Variants in PRIMPOL observed in about 807,000 individuals in gnomAD.
PRIMPOL encodes DNA-directed primase/polymerase protein.
A neutral mutation model predicts 63.6 loss-of-function variants in PRIMPOL; 54 were observed. The observed-to-expected ratio is 0.85, with a 90% CI of 0.68 to 1.07. The LOEUF is 1.07. PRIMPOL is among the 50% of genes least tolerant of loss of function. PRIMPOL has a pLI of 0.00. For missense variants in PRIMPOL, 610 were observed against 648.3 expected (o/e 0.94, Z 0.64); for synonymous variants, 197 against 220.2 (o/e 0.89, Z 0.93).
At chr4:184,671,821 C>T (rs111227463) in intron 6 of PRIMPOL, among the ~76,000 whole-genome samples, 19,371 of 147,554 alleles carry the variant, frequency 0.13, 1,341 homozygotes, top group African/African-American at 0.15. Context: ...TGGCTCACTG[C>T]AAGCTCCGCT....
chr4:184,666,458 G>A (rs1749908548), intron 6 of PRIMPOL, among the ~76,000 whole-genome samples: 1 of 152,078 alleles, frequency 6.6e-6, no homozygotes, highest in Admixed American at 6.5e-5. Context: ...GTGAGACCCT[G>A]TCTCAAAAAA....
intron 4 of PRIMPOL, among the ~76,000 whole-genome samples, chr4:184,659,887 C>G (rs1459175870): frequency 6.6e-6 from 1 of 152,156 alleles, no homozygotes; most frequent in Non-Finnish European, 1.5e-5. Flanking sequence ...GTGCCATGGT[C>G]TCGGCTCACT....
chr4:184,678,548 T>C lies in PRIMPOL; in HGVS notation c.1007+154T>C, dbSNP rs530557188. ...CTCTTTTTTTTTTTTTTTTTTTTGA[T>C]ACAGAGTCTCCCTCTGTCACCCAGA... On this transcript the variant is annotated intron_variant, in intron 8 of 13. Transcript: ENST00000314970. 1.8e-3 allele frequency among the ~76,000 whole-genome samples: 264 copies of C among 145,364 alleles called. 1 individual carries two copies. Among genetic ancestry groups the C allele is most frequent in the Middle Eastern group, 0.017 (5 of 288 alleles).
At chr4:184,693,354 T>C (rs1436711026) in intron 13 of PRIMPOL, among the ~76,000 whole-genome samples, 1 of 152,156 alleles carries the variant, frequency 6.6e-6, no homozygotes, top group Non-Finnish European at 1.5e-5. Flanking sequence ...GTGGTTGCAG[T>C]GGATTTTTAA....
Position 184,672,329 on chromosome 4 carries a change from C to A in PRIMPOL, c.713C>A (p.Ala238Asp), listed in dbSNP as rs776142895. The A allele has an allele frequency of 1.2e-6, 2 of 1,614,116 alleles. No individual in the cohort carries two copies. Among genetic ancestry groups the A allele is most frequent in the Admixed American group, 3.3e-5 (2 of 60,016 alleles). Residue 238 changes from alanine to aspartate, a missense_variant, in exon 7 of 14, where the codon GCT (alanine) becomes GAT (aspartate). Physicochemically the swap from Ala to Asp is moderately radical, Grantham distance 126. This residue lies in a region of PRIMPOL where 444 missense variants were observed against 456.4 expected (regional missense o/e 0.97). Transcript: ENST00000314970. Reference sequence around the variant, plus strand: ...TTCAATAAAATGTTCACAGAAAAGGCTACAGAGGAAAGCTGGACATCGAAT... The same window carrying A: ...TTCAATAAAATGTTCACAGAAAAGGATACAGAGGAAAGCTGGACATCGAAT... The part of the protein sequence containing the change: ...FSFNKMFTEK[A>D]TEESWTSNSK...
rs1749771470 is a variant in PRIMPOL at position 184,665,970 on chromosome 4, T to C, written c.462T>C (p.Asp154=). The C allele has an allele frequency of 5.6e-6, 9 of 1,610,936 alleles. No homozygotes were observed. The highest frequency in any genetic ancestry group is 2.2e-5 in the East Asian group (1 of 44,854). The change falls in exon 6 of 14, where the codon GAT becomes GAC. Residue 154 remains aspartate (D), a synonymous_variant. Coordinates refer to ENST00000314970, the MANE Select transcript of PRIMPOL (RefSeq NM_152683.4). ...ELYGVNCSAE[D]VLNLDSSTDE... is the part of the protein sequence containing the mutation. ...ACGGTGTTAATTGCTCAGCTGAAGA[T>C]GTTTTGAACTTGGATTCTAGCACTG...
At chr4:184,650,316 A>T (rs1743870018) in intron 1 of PRIMPOL, among the ~76,000 whole-genome samples, 1 of 152,240 alleles carries the variant, frequency 6.6e-6, no homozygotes, top group Non-Finnish European at 1.5e-5. Context: ...GGGAGTGAAG[A>T]AGAGGAAAAG....
intron 13 of PRIMPOL, among the ~76,000 whole-genome samples, chr4:184,692,863 T>C (rs1401630246): frequency 1.3e-5 from 2 of 152,232 alleles, no homozygotes; most frequent in African/African-American, 2.4e-5. Flanking sequence ...TGCATCTCTG[T>C]AATGAACTTT....
chr4:184,659,531 C>A, intron 4 of PRIMPOL, 94 bp downstream of exon 4: 2 of 895,344 alleles, frequency 2.2e-6, no homozygotes, highest in Non-Finnish European at 3.8e-6. Flanking sequence ...GAATTGGCTT[C>A]CACAGTTCGT....
chr4:184,665,084 A>T (rs1350933605), intron 5 of PRIMPOL, among the ~76,000 whole-genome samples: 3 of 152,330 alleles, frequency 2.0e-5, no homozygotes, highest in Admixed American at 2.0e-4. Context: ...ATAATATTGC[A>T]TGGTAGTTCT....
At chr4:184,692,100 G>A (rs1298475012) in intron 13 of PRIMPOL, among the ~76,000 whole-genome samples, 1 of 152,022 alleles carries the variant, frequency 6.6e-6, no homozygotes, top group African/African-American at 2.4e-5. Context: ...GGTATTACCA[G>A]GTTGTCAAAC....
chr4:184,686,300 G>A (rs1174466032), intron 11 of PRIMPOL, among the ~76,000 whole-genome samples: 8 of 152,206 alleles, frequency 5.3e-5, no homozygotes, highest in Non-Finnish European at 1.2e-4. Context: ...CAGTGAGGAT[G>A]GGAAGCATGC....
chr4:184,655,324 CTTTTTT>C (rs60487948), intron 2 of PRIMPOL, among the ~76,000 whole-genome samples: 1 of 131,156 alleles, frequency 7.6e-6, no homozygotes, highest in South Asian at 2.5e-4. Context: ...CTCTCGTAAT[CTTTTTT>C]TTTTTTTTTT....
At chr4:184,653,396 T>A (rs2150019341) in intron 2 of PRIMPOL, among the ~76,000 whole-genome samples, 1 of 152,338 alleles carries the variant, frequency 6.6e-6, no homozygotes, top group East Asian at 1.9e-4. Context: ...GCCTTTTTTC[T>A]AGCTTGACCC....
At chr4:184,664,060 T>C (rs1749126425) in intron 5 of PRIMPOL, among the ~76,000 whole-genome samples, 1 of 152,232 alleles carries the variant, frequency 6.6e-6, no homozygotes, top group South Asian at 2.1e-4. Context: ...TAGGACCACA[T>C]TTCAGGGCAA....
chr4:184,653,933 A>G (rs1266879052), intron 2 of PRIMPOL, among the ~76,000 whole-genome samples: 1 of 152,224 alleles, frequency 6.6e-6, no homozygotes, highest in Non-Finnish European at 1.5e-5. Flanking sequence ...GGACTACACC[A>G]AGCCCCAGTT....
rs752153326 is a variant in PRIMPOL at position 184,694,560 on chromosome 4, G to A, written c.1464G>A (p.Arg488=). Residue 488 remains arginine, a synonymous_variant, in exon 14 of 14, where the codon AGG becomes AGA. Coordinates refer to ENST00000314970, the MANE Select transcript of PRIMPOL (RefSeq NM_152683.4). The stretch of plus-strand genomic sequence containing the variant: ...CAACAGATGAAGCAGATGAAACTAG[G>A]AGCAATGAAACCCAGAATCCTCATA... ...EFTTDEADET[R]SNETQNPHKP... 1.2e-6 allele frequency: 2 copies of A among 1,613,960 alleles called. No individual in the cohort carries two copies. Among genetic ancestry groups the A allele is most frequent in the East Asian group, 2.2e-5 (1 of 44,870 alleles).
chr4:184,664,257 A>G (rs1022506220), intron 5 of PRIMPOL, among the ~76,000 whole-genome samples: 2 of 152,218 alleles, frequency 1.3e-5, no homozygotes, highest in East Asian at 1.9e-4. Context: ...TCATTCATCA[A>G]ATAGTTTTTA....
intron 3 of PRIMPOL, among the ~76,000 whole-genome samples, chr4:184,658,491 G>C (rs1391915935): frequency 6.6e-6 from 1 of 152,178 alleles, no homozygotes; most frequent in Non-Finnish European, 1.5e-5. Flanking sequence ...ATGCTCACCA[G>C]CTACCTTTAG....
Sources: gnomAD v4.1 joint callset for allele counts (sites outside exome capture counted in the v4.1 genomes callset) on GRCh38, gnomAD v4.1.1 for gene constraint, gnomAD v4.1.1 regional missense constraint, MANE v1.5 for transcripts, NCBI Gene and HGNC (gene_info 2026-07-23, HGNC 2026-07-21) for gene names.